The following PDE4DIP variants were observed in gnomAD, a reference collection of about 807,000 sequenced individuals.
PDE4DIP encodes myomegalin.
Under a neutral mutation model 221.4 loss-of-function variants are expected in PDE4DIP, and 59 were observed. The observed-to-expected ratio is 0.27, with a 90% CI of 0.22 to 0.33. The LOEUF (loss-of-function observed/expected upper bound fraction) is 0.33. Among genes scored for constraint, PDE4DIP ranks in the 10% least tolerant of loss-of-function variants. PDE4DIP has a pLI of 1.00. For missense variants in PDE4DIP, 1,036 were observed against 2,154.2 expected, an observed-to-expected ratio of 0.48 and a Z score of 10.28; for synonymous variants, 404 against 815.9, an observed-to-expected ratio of 0.50 and a Z score of 8.60.
intron 19 of PDE4DIP, among the ~76,000 whole-genome samples, chr1:148,978,867 T>G (rs1553539950): frequency 2.0e-5 from 3 of 152,124 alleles, no homozygotes. Context: ...CCTACTTTGG[T>G]CGGTAGCAGC....
At chr1:149,032,237 A>G (rs1242582967) in exon 44 of PDE4DIP, 30 of 631,292 alleles carry the variant, frequency 4.8e-5, no homozygotes, top group Admixed American at 3.2e-4. Context: ...GCCCAGCACT[A>G]AGAAAAAGAT....
intron 5 of PDE4DIP, among the ~76,000 whole-genome samples, chr1:148,954,592 A>G (rs1171833502): frequency 6.6e-6 from 1 of 152,220 alleles, no homozygotes; most frequent in Non-Finnish European, 1.5e-5. Context: ...CCAGAACTCT[A>G]CTGAGTTCTA....
At chr1:149,003,825 AGAG>A (rs1575186274) in intron 26 of PDE4DIP, 95 bp downstream of exon 29, 1 of 604,120 alleles carries the variant, frequency 1.7e-6, no homozygotes, top group Non-Finnish European at 3.0e-6. Context: ...GTATTGGGGA[AGAG>A]GAGGACAGGA....
intron 22 of PDE4DIP, among the ~76,000 whole-genome samples, chr1:148,995,960 T>A (rs587660547): frequency 6.6e-6 from 1 of 150,674 alleles, no homozygotes; most frequent in African/African-American, 2.4e-5. Flanking sequence ...CCAAAGAAAG[T>A]CCACTTTGAG....
At position 148,978,454 on chromosome 1, in the gene PDE4DIP, A is replaced by AT. The variant is rs781961985; in HGVS notation, c.2574+46dup. ...ATATAAACCTTATTTATTTATTTAC[A>AT]TTTTTTTGTATTCTTTTTTTTTTTT... On this transcript the variant is annotated intron_variant, in intron 19 of 43. Coordinates refer to ENST00000369354, the Ensembl canonical transcript of PDE4DIP. 7 of 1,356,984 alleles carry AT rather than the reference A, an allele frequency of 5.2e-6. No individual in the cohort carries two copies. The South Asian group carries it at 5.8e-5, about 11-fold the overall frequency. The allele number at this position is 1,356,984 out of a possible 1,614,324, so 84.1% of individuals were successfully genotyped here. A position where few individuals can be genotyped will look rare whatever the true frequency, so the allele number is the denominator to read the frequency against.
chr1:148,985,634 A>G (rs2152300595), intron 21 of PDE4DIP: 1 of 152,332 alleles, frequency 6.6e-6, no homozygotes, highest in African/African-American at 2.4e-5. Flanking sequence ...TGGTCCTGAC[A>G]ATACTAATTC....
At chr1:149,013,241 G>A (rs1553607384) in intron 32 of PDE4DIP, among the ~76,000 whole-genome samples, 1 of 151,060 alleles carries the variant, frequency 6.6e-6, no homozygotes, top group African/African-American at 2.4e-5. Flanking sequence ...TTAGGTTGGA[G>A]CAAAAAGGGT....
At chr1:148,953,983 G>A in intron 5 of PDE4DIP, 2 of 787,288 alleles carry the variant, frequency 2.5e-6, no homozygotes, top group Non-Finnish European at 4.4e-6. Context: ...GGTCTAGGTG[G>A]AGGTTAGAAA....
At chr1:149,010,577 G>A in exon 31 of PDE4DIP, 1 of 1,614,058 alleles carries the variant, frequency 6.2e-7, no homozygotes, top group South Asian at 1.1e-5. Context: ...CCCCAAGGAG[G>A]CCAACCAGGC....
intron 2 of PDE4DIP, chr1:148,930,131 T>G (rs1269270543): frequency 6.6e-5 from 10 of 151,764 alleles, no homozygotes; most frequent in Non-Finnish European, 1.5e-5. Flanking sequence ...TTTAAAAGCT[T>G]AGTGTTAAAT....
intron 24 of PDE4DIP, among the ~76,000 whole-genome samples, chr1:149,002,612 C>A (rs1423301935): frequency 6.6e-6 from 1 of 152,064 alleles, no homozygotes; most frequent in Non-Finnish European, 1.5e-5. Flanking sequence ...AAAACATTTC[C>A]TGAGAGCTCC....
chr1:148,821,387 A>G (rs1669206631), intron 1 of PDE4DIP, among the ~76,000 whole-genome samples: 1 of 150,204 alleles, frequency 6.7e-6, no homozygotes, highest in African/African-American at 2.5e-5. Context: ...GGCAGGCACA[A>G]TACTAGGTGC....
At chr1:149,030,915 G>A (rs1223502020) in intron 43 of PDE4DIP, 7 of 426,608 alleles carry the variant, frequency 1.6e-5, no homozygotes, top group Non-Finnish European at 2.2e-5. Context: ...CATTCCCTAG[G>A]AAGTGCTTTG....
At chr1:149,030,329 T>C in intron 43 of PDE4DIP, 51 bp downstream of exon 46, 1 of 1,551,316 alleles carries the variant, frequency 6.4e-7, no homozygotes, top group Non-Finnish European at 8.7e-7. Flanking sequence ...CCCCCACCCA[T>C]CACCATCCGT....
intron 22 of PDE4DIP, among the ~76,000 whole-genome samples, chr1:148,995,609 A>G (rs2064024473): frequency 6.7e-6 from 1 of 150,318 alleles, no homozygotes; most frequent in Non-Finnish European, 1.5e-5. Context: ...AAATGTGGAA[A>G]AAAAAACCAA....
chr1:149,000,490 G>T (rs1342601090), intron 23 of PDE4DIP, among the ~76,000 whole-genome samples: 1 of 151,586 alleles, frequency 6.6e-6, no homozygotes, highest in African/African-American at 2.4e-5. Context: ...AGGGGTGGAG[G>T]TTGCAGTGAG....
intron 5 of PDE4DIP, chr1:148,953,592 G>C: frequency 1.2e-6 from 2 of 1,604,096 alleles, no homozygotes; most frequent in South Asian, 2.2e-5. Flanking sequence ...CTTGGAAAGT[G>C]TGACTGTTGT....
At chr1:148,946,564 A>C (rs2051793359) in intron 5 of PDE4DIP, among the ~76,000 whole-genome samples, 1 of 141,444 alleles carries the variant, frequency 7.1e-6, no homozygotes, top group Non-Finnish European at 1.6e-5. Flanking sequence ...AAAAGGAAGT[A>C]CCATCCATCC....
chr1:148,996,000 G>A (rs1375779385), intron 22 of PDE4DIP, among the ~76,000 whole-genome samples: 1 of 151,588 alleles, frequency 6.6e-6, no homozygotes, highest in Non-Finnish European at 1.5e-5. Context: ...AATTAGCCTG[G>A]GGAAAAATGA....
Sources: allele counts gnomAD v4.1 joint callset (sites outside exome capture counted in the v4.1 genomes callset), GRCh38; gene constraint gnomAD v4.1.1; transcripts MANE v1.5; gene names NCBI Gene and HGNC (gene_info 2026-07-23, HGNC 2026-07-21).